The following TSEN15 variants were observed in gnomAD, a reference collection of about 807,000 sequenced individuals.
The protein encoded by TSEN15 is tRNA-splicing endonuclease subunit Sen15.
In TSEN15, 10 loss-of-function variants were observed where a neutral mutation model predicts 20.5. The observed-to-expected ratio is 0.49, with a 90% CI of 0.30 to 0.83. The LOEUF (loss-of-function observed/expected upper bound fraction) is 0.83, where lower values mean the gene tolerates loss of function less well. TSEN15 is among the 40% of genes least tolerant of loss of function. The probability of loss-of-function intolerance (pLI) is 0.06; values close to 1 mark genes in which losing one functional copy is unlikely to be tolerated. For synonymous variants in TSEN15, 72 were observed against 80.1 expected (o/e 0.90, Z 0.54); for missense variants, 180 against 218.6 (o/e 0.82, Z 1.11).
At chr1:184,077,817 A>T (rs1651092139), downstream of TSEN15, among the ~76,000 whole-genome samples, 1 of 152,220 alleles carries the variant, frequency 6.6e-6, no homozygotes, top group Non-Finnish European at 1.5e-5. Context: ...ATGGATTGTT[A>T]TAATTTCATG....
chr1:184,095,610 A>G, intron 3 of TSEN15: 1 of 395,332 alleles, frequency 2.5e-6, no homozygotes, highest in Admixed American at 4.5e-5. Context: ...AGGATACCAG[A>G]GATCTCTATC....
chr1:184,054,144 A>G (rs1241797149), intron 1 of TSEN15, among the ~76,000 whole-genome samples: 1 of 152,150 alleles, frequency 6.6e-6, no homozygotes, highest in Non-Finnish European at 1.5e-5. Flanking sequence ...ACAGTCATAT[A>G]TTGTTATTTG....
At chr1:184,084,606 C>T (rs1651228362) in intron 3 of TSEN15, among the ~76,000 whole-genome samples, 1 of 151,592 alleles carries the variant, frequency 6.6e-6, no homozygotes, top group African/African-American at 2.4e-5. Flanking sequence ...TTATAATGAA[C>T]AGAAATTTAT....
chr1:184,062,393 CAG>C lies in TSEN15; in HGVS notation c.353+7534_353+7535del, dbSNP rs1650490423. 2.6e-5 allele frequency among the ~76,000 whole-genome samples: 4 copies of C among 152,046 alleles called. No homozygotes were observed. In the East Asian group the frequency reaches 7.7e-4, roughly 29 times the overall value. ...GTATAAAATCATATTCATAGATACA[CAG>C]AGATGAAAGAGATCTGATGGATTTA... On this transcript the variant is annotated intron_variant, in intron 3 of 4. Transcript: ENST00000645668.
At chr1:184,088,058 T>C (rs181696162) in intron 3 of TSEN15, among the ~76,000 whole-genome samples, 2 of 152,244 alleles carry the variant, frequency 1.3e-5, no homozygotes, top group East Asian at 3.9e-4. Flanking sequence ...TGTGGAAAGT[T>C]CCAGTTTTCT....
intron 3 of TSEN15, among the ~76,000 whole-genome samples, chr1:184,085,188 C>A (rs1332560592): frequency 6.6e-6 from 1 of 152,112 alleles, no homozygotes; most frequent in Non-Finnish European, 1.5e-5. Flanking sequence ...TTGAAAAGTT[C>A]TCTCTAAAAG....
At chr1:184,096,429 G>C (rs1012099424) in exon 4 of TSEN15, 1 of 152,112 alleles carries the variant, frequency 6.6e-6, no homozygotes, top group Non-Finnish European at 1.5e-5. Flanking sequence ...GGAATCACAG[G>C]GTTGAGCTTA....
chr1:184,054,190 G>T (rs1650156870), intron 1 of TSEN15, among the ~76,000 whole-genome samples, 164 bp from the exon 2 acceptor site: 1 of 152,150 alleles, frequency 6.6e-6, no homozygotes, highest in Non-Finnish European at 1.5e-5. Flanking sequence ...TTTAACAATT[G>T]CAAGTTCTTT....
At position 184,072,176 on chromosome 1, in the gene TSEN15, G is replaced by C; in HGVS notation, c.373G>C (p.Ala125Pro). The C allele has an allele frequency of 6.2e-7, 1 of 1,613,418 alleles. No individual in the cohort carries two copies. Among genetic ancestry groups the C allele is most frequent in the Non-Finnish European group, 8.5e-7 (1 of 1,179,594 alleles). The change falls in exon 4 of 5, where the codon GCA (alanine) becomes CCA (proline). Residue 125 changes from alanine to proline, a missense_variant. Ala to Pro is a conservative substitution (Grantham distance 27). This residue lies in a region of TSEN15 where 76 missense variants were observed against 123.4 expected (regional missense o/e 0.62). Transcript: ENST00000645668. ...TTTCAGGATAAGGGAGATCTTGAAG[G>C]CATCTCGAAAGTTGCAAGGTGATCC... ...SHNRIREILK[A>P]SRKLQGDPDL...
chr1:184,055,433 A>G (rs1650215112), intron 3 of TSEN15, among the ~76,000 whole-genome samples: 2 of 152,210 alleles, frequency 1.3e-5, no homozygotes, highest in Non-Finnish European at 2.9e-5. Flanking sequence ...TATATCAAGC[A>G]TTCAACAAGT....
intron 3 of TSEN15, among the ~76,000 whole-genome samples, chr1:184,056,301 T>G (rs1305778501): frequency 6.6e-6 from 1 of 152,132 alleles, no homozygotes; most frequent in Non-Finnish European, 1.5e-5. Flanking sequence ...CTTATTTTGG[T>G]CTTAATTTAC....
downstream of TSEN15, chr1:184,074,344 G>A (rs1651014422): frequency 6.6e-6 from 1 of 152,114 alleles, no homozygotes; most frequent in South Asian, 2.1e-4. Flanking sequence ...GATTAGTTGG[G>A]TCCTCCATGA....
intron 3 of TSEN15, among the ~76,000 whole-genome samples, chr1:184,088,441 GA>G (rs1651302454): frequency 6.6e-6 from 1 of 152,084 alleles, no homozygotes; most frequent in South Asian, 2.1e-4. Context: ...AAAAAATGGG[GA>G]GGAGGAAGAG....
chr1:184,052,806 A>G (rs148881660), intron 1 of TSEN15, among the ~76,000 whole-genome samples: 1 of 152,334 alleles, frequency 6.6e-6, no homozygotes, highest in Non-Finnish European at 1.5e-5. Context: ...GGGAAACAAT[A>G]GCATGGAGAG....
At chr1:184,094,002 T>C (rs930286499) in intron 3 of TSEN15, 1 of 152,208 alleles carries the variant, frequency 6.6e-6, no homozygotes, top group Non-Finnish European at 1.5e-5. Flanking sequence ...CCCTGTTGCC[T>C]TTATTAATTC....
chr1:184,089,708 T>C (rs1274767967), intron 3 of TSEN15, among the ~76,000 whole-genome samples: 1 of 151,392 alleles, frequency 6.6e-6, no homozygotes, highest in African/African-American at 2.4e-5. Context: ...TTATTTCCAG[T>C]GCTCAAAGTT....
At chr1:184,075,179 A>G (rs1651033935), downstream of TSEN15, among the ~76,000 whole-genome samples, 1 of 152,104 alleles carries the variant, frequency 6.6e-6, no homozygotes, top group Non-Finnish European at 1.5e-5. Context: ...CCAACTCTTT[A>G]AACTAGGATT....
intron 3 of TSEN15, among the ~76,000 whole-genome samples, chr1:184,079,314 G>A (rs1056418404): frequency 2.6e-5 from 4 of 152,256 alleles, no homozygotes; most frequent in Non-Finnish European, 5.9e-5. Context: ...GTAATAAGAA[G>A]TATTTTATTA....
intron 3 of TSEN15, among the ~76,000 whole-genome samples, chr1:184,067,910 G>A (rs1366439028): frequency 2.5e-5 from 3 of 122,344 alleles, no homozygotes; most frequent in Non-Finnish European, 3.2e-5. Context: ...GTGACAGAGC[G>A]AGACTCTCTC....
Sources: gnomAD v4.1 joint callset for allele counts (sites outside exome capture counted in the v4.1 genomes callset) on GRCh38, gnomAD v4.1.1 for gene constraint, gnomAD v4.1.1 regional missense constraint, MANE v1.5 for transcripts, NCBI Gene and HGNC (gene_info 2026-07-23, HGNC 2026-07-21) for gene names.